The following BNC2 variants were observed in gnomAD, a reference collection of about 807,000 sequenced individuals.
BNC2 encodes the protein basonuclin zinc finger protein 2.
Under a neutral mutation model 76.3 loss-of-function variants are expected in BNC2, and 20 were observed. The ratio of observed to expected loss-of-function variants is 0.26; its 90% CI spans 0.18 to 0.38. BNC2 has a LOEUF of 0.38. BNC2 is among the 10% of genes least tolerant of loss of function. The probability of loss-of-function intolerance (pLI) is 1.00; values close to 1 mark genes in which losing one functional copy is unlikely to be tolerated. For missense variants in BNC2, 1,382 were observed against 1,399.8 expected (o/e 0.99, Z 0.20); for synonymous variants, 582 against 514.8 (o/e 1.13, Z -1.77).
At chr9:16,509,996 T>G (rs569587612) in intron 5 of BNC2, among the ~76,000 whole-genome samples, 2 of 152,342 alleles carry the variant, frequency 1.3e-5, no homozygotes, top group East Asian at 1.9e-4. Flanking sequence ...GGTTAGACCA[T>G]TTTTTCTTCT....
chr9:16,579,619 T>C (rs531898180), intron 4 of BNC2, among the ~76,000 whole-genome samples: 1 of 152,286 alleles, frequency 6.6e-6, no homozygotes, highest in South Asian at 2.1e-4. Flanking sequence ...CTAAAGATTT[T>C]TGTAAAGTAG....
At chr9:16,422,717 G>A (rs553722531) in intron 6 of BNC2, among the ~76,000 whole-genome samples, 4 of 152,280 alleles carry the variant, frequency 2.6e-5, no homozygotes, top group South Asian at 2.1e-4. Flanking sequence ...AGGAAAGCAC[G>A]AGAAGGAAAG....
chr9:16,663,686 T>A (rs1822181572), intron 3 of BNC2, among the ~76,000 whole-genome samples: 2 of 152,078 alleles, frequency 1.3e-5, no homozygotes, highest in Non-Finnish European at 2.9e-5. Flanking sequence ...TCAGAAAGAG[T>A]AATAATGTCC....
At chr9:16,760,727 C>G (rs1825528829) in intron 1 of BNC2, among the ~76,000 whole-genome samples, 2 of 151,986 alleles carry the variant, frequency 1.3e-5, no homozygotes, top group African/African-American at 4.8e-5. Flanking sequence ...TGTGAACTCA[C>G]CAAAGGTGTA....
chr9:16,512,367 A>T (rs1822776584), intron 5 of BNC2, among the ~76,000 whole-genome samples: 1 of 152,188 alleles, frequency 6.6e-6, no homozygotes, highest in Non-Finnish European at 1.5e-5. Context: ...ATAATCCTCA[A>T]GCCAATAACT....
At chr9:16,716,329 CTTACA>C (rs1823994831) in intron 3 of BNC2, among the ~76,000 whole-genome samples, 1 of 152,160 alleles carries the variant, frequency 6.6e-6, no homozygotes, top group Non-Finnish European at 1.5e-5. Context: ...GACATTTATA[CTTACA>C]TTAAATAGAC....
At position 16,633,433 on chromosome 9, in the gene BNC2, A is replaced by G. The variant is rs112150761; in HGVS notation, c.331-50348T>C. The stretch of plus-strand genomic sequence containing the variant: ...TCTGAAGCCTACTGTTACAATAACT[A>G]AAGTCTCACATTCTTTTCTACTTAA... On this transcript the variant is annotated intron_variant, in intron 3 of 6. Transcript: ENST00000380672. 7.4e-3 allele frequency among the ~76,000 whole-genome samples: 1,127 copies of G among 152,338 alleles called. 16 individuals carry two copies. The highest frequency in any genetic ancestry group is 0.026 in the African/African-American group (1,089 of 41,584).
At chr9:16,818,829 A>C (rs1370826817) in intron 1 of BNC2, among the ~76,000 whole-genome samples, 1 of 151,476 alleles carries the variant, frequency 6.6e-6, no homozygotes, top group Non-Finnish European at 1.5e-5. Context: ...GCCTGGAATG[A>C]ATTTTTAAAA....
chr9:16,859,879 G>A (rs1819354403), intron 1 of BNC2, among the ~76,000 whole-genome samples: 1 of 152,240 alleles, frequency 6.6e-6, no homozygotes, highest in African/African-American at 2.4e-5. Context: ...CCAGCACTTT[G>A]GGAGGCCAAG....
intron 3 of BNC2, among the ~76,000 whole-genome samples, chr9:16,644,012 G>C (rs1323720826): frequency 6.6e-6 from 1 of 152,142 alleles, no homozygotes; most frequent in Admixed American, 6.6e-5. Context: ...AGTACCCCAA[G>C]AGAACCTTAG....
intron 5 of BNC2, among the ~76,000 whole-genome samples, chr9:16,457,454 G>T (rs1166135271): frequency 6.6e-6 from 1 of 152,140 alleles, no homozygotes; most frequent in Non-Finnish European, 1.5e-5. Flanking sequence ...TCAGCACAGG[G>T]CAACATGCAT....
chr9:16,473,913 C>T (rs897225377), intron 5 of BNC2, among the ~76,000 whole-genome samples: 4 of 151,986 alleles, frequency 2.6e-5, no homozygotes, highest in African/African-American at 7.2e-5. Flanking sequence ...AAAAAAGATA[C>T]GATGATGATT....
intron 5 of BNC2, among the ~76,000 whole-genome samples, chr9:16,455,516 C>T (rs976665683): frequency 3.9e-5 from 6 of 152,096 alleles, no homozygotes; most frequent in Admixed American, 6.6e-5. Context: ...ATTGGCCGGG[C>T]GTGATGGTTC....
intron 5 of BNC2, among the ~76,000 whole-genome samples, chr9:16,491,765 T>G (rs188881630): frequency 2.0e-5 from 3 of 152,332 alleles, no homozygotes; most frequent in Non-Finnish European, 4.4e-5. Context: ...CACTGCAGTT[T>G]AGTTTCATCT....
Position 16,457,545 on chromosome 9 carries a change from C to T in BNC2, c.670-20021G>A, listed in dbSNP as rs112754587. On this transcript the variant is annotated intron_variant, in intron 5 of 6. Transcript: ENST00000380672. ...TCACATAGGATGCATGTAATTTCTC[C>T]AGCATTAAATTGTGACAACAGGTGT... is the stretch of plus-strand genomic sequence containing the variant. Among the ~76,000 whole-genome samples the T allele has an allele frequency of 1.9e-3, 291 of 152,234 alleles. 3 individuals carry two copies. The highest frequency in any genetic ancestry group is 6.5e-3 in the African/African-American group (269 of 41,528).
intron 4 of BNC2, chr9:16,579,977 C>A (rs1356504973): frequency 2.5e-6 from 1 of 396,992 alleles, no homozygotes; most frequent in Non-Finnish European, 4.4e-6. Flanking sequence ...GGCAATGTAT[C>A]TTGGTAGTTT....
chr9:16,857,581 ACAT>A lies in BNC2; in HGVS notation c.3+13062_3+13064del, dbSNP rs562879592. 7.7e-4 allele frequency among the ~76,000 whole-genome samples: 117 copies of A among 152,228 alleles called. No homozygotes were observed. In the Middle Eastern group the frequency reaches 0.01, roughly 13 times the overall value. On this transcript the variant is annotated intron_variant, in intron 1 of 6. Coordinates refer to ENST00000380672, the MANE Select transcript of BNC2 (RefSeq NM_017637.6). ...GGAAAAAAAAAATTATCCTTAAAAT[ACAT>A]CATATCATTTTAAATTGGATAATTA...
chr9:16,496,227 A>G (rs1443279574), intron 5 of BNC2, among the ~76,000 whole-genome samples: 2 of 152,090 alleles, frequency 1.3e-5, no homozygotes, highest in Non-Finnish European at 2.9e-5. Context: ...TGTTTCATTA[A>G]AAACAAAAAA....
intron 1 of BNC2, among the ~76,000 whole-genome samples, chr9:16,792,891 T>C (rs1178190950): frequency 6.6e-6 from 1 of 152,202 alleles, no homozygotes; most frequent in Non-Finnish European, 1.5e-5. Flanking sequence ...GGATGTATGA[T>C]ACAAAAGCAA....
Sources: allele counts gnomAD v4.1 joint callset (sites outside exome capture counted in the v4.1 genomes callset), GRCh38; gene constraint gnomAD v4.1.1; transcripts MANE v1.5; gene names NCBI Gene and HGNC (gene_info 2026-07-23, HGNC 2026-07-21).